PBX1: variants seen among roughly 807,000 people sequenced by gnomAD.
PBX1 encodes PBX homeobox 1.
In PBX1, 6 loss-of-function variants were observed where a neutral mutation model predicts 53.4. That is an observed-to-expected ratio of 0.11 (90% CI 0.06 to 0.22). PBX1 has a LOEUF of 0.22. PBX1 is among the 10% of genes least tolerant of loss of function. PBX1 has a pLI of 1.00. For synonymous variants in PBX1, 204 were observed against 212.3 expected (o/e 0.96, Z 0.34); for missense variants, 251 against 551.4 (o/e 0.46, Z 5.46).
At chr1:164,780,537 T>TA (rs1286592031) in intron 2 of PBX1, among the ~76,000 whole-genome samples, 2 of 151,966 alleles carry the variant, frequency 1.3e-5, no homozygotes, top group East Asian at 3.9e-4. Flanking sequence ...TAGACTCTGT[T>TA]GAGAAGAGAG....
At chr1:164,880,446 T>A (rs1470203585) in intron 2 of PBX1, among the ~76,000 whole-genome samples, 4 of 152,240 alleles carry the variant, frequency 2.6e-5, no homozygotes, top group Non-Finnish European at 4.4e-5. Flanking sequence ...ATCTGGTAGC[T>A]GAGACACCAA....
At chr1:164,633,611 C>T (rs1658555489) in intron 2 of PBX1, among the ~76,000 whole-genome samples, 1 of 152,154 alleles carries the variant, frequency 6.6e-6, no homozygotes, top group Non-Finnish European at 1.5e-5. Flanking sequence ...ATTACCTGAG[C>T]CTTTCCCTGC....
At chr1:164,745,655 A>AGC (rs1438526107) in intron 2 of PBX1, among the ~76,000 whole-genome samples, 1 of 152,248 alleles carries the variant, frequency 6.6e-6, no homozygotes, top group African/African-American at 2.4e-5. Context: ...CTAGTCAACC[A>AGC]GCTACAGGCT....
intron 2 of PBX1, among the ~76,000 whole-genome samples, chr1:164,865,044 A>T (rs1672184158): frequency 6.6e-6 from 1 of 152,238 alleles, no homozygotes; most frequent in South Asian, 2.1e-4. Flanking sequence ...GACAGTCACC[A>T]TGGTTATAAT....
intron 2 of PBX1, among the ~76,000 whole-genome samples, chr1:164,661,320 G>A (rs1258040120): frequency 6.6e-6 from 1 of 152,138 alleles, no homozygotes; most frequent in Non-Finnish European, 1.5e-5. Flanking sequence ...CATCTGGCAT[G>A]AGGGATAACA....
chr1:164,592,386 T>G (rs1655453133), intron 2 of PBX1, among the ~76,000 whole-genome samples: 1 of 152,196 alleles, frequency 6.6e-6, no homozygotes, highest in African/African-American at 2.4e-5. Context: ...TGCTGCAAAT[T>G]TGCCTAGTAG....
At chr1:164,761,114 CT>C (rs755109441) in intron 2 of PBX1, among the ~76,000 whole-genome samples, 168 of 152,310 alleles carry the variant, frequency 1.1e-3, no homozygotes, top group Middle Eastern at 3.4e-3. Context: ...AGTAAAACCA[CT>C]TCCCTCCTCC....
chr1:164,848,089 A>G lies in PBX1; in HGVS notation c.*1413A>G. 2.8e-6 allele frequency: 3 copies of G among 1,052,696 alleles called. No individual in the cohort carries two copies. Among genetic ancestry groups the G allele is most frequent in the Non-Finnish European group, 3.4e-6 (3 of 871,358 alleles). 65.2% of individuals were successfully genotyped at this position (1,052,696 alleles called of 1,614,324 possible). On this transcript the variant is annotated 3_prime_UTR_variant, in exon 9 of 9. Coordinates refer to ENST00000420696, the MANE Select transcript of PBX1 (RefSeq NM_002585.4). ...GTTGTATAAGAACGTGGCTCATGTG[A>G]ACTTTTGCTAGCTTCATTTGAGGAC...
intron 2 of PBX1, among the ~76,000 whole-genome samples, chr1:164,716,727 C>G (rs1301068367): frequency 8.1e-5 from 12 of 147,524 alleles, no homozygotes; most frequent in African/African-American, 3.0e-4. Flanking sequence ...CACACACACA[C>G]ACAGAAATAC....
At chr1:164,560,236 G>C (rs964632365) in intron 1 of PBX1, 38 of 441,342 alleles carry the variant, frequency 8.6e-5, no homozygotes, top group South Asian at 5.3e-4. Context: ...ACATATTTGT[G>C]TGTGTGTGTG....
chr1:164,802,246 G>A (rs967972699), intron 4 of PBX1, among the ~76,000 whole-genome samples: 1 of 152,122 alleles, frequency 6.6e-6, no homozygotes, highest in Admixed American at 6.5e-5. Context: ...GTTTATTATC[G>A]CACAGTTTCT....
intron 2 of PBX1, among the ~76,000 whole-genome samples, chr1:164,584,185 T>G (rs1654804675): frequency 6.6e-6 from 1 of 152,084 alleles, no homozygotes; most frequent in African/African-American, 2.4e-5. Context: ...CTTATATTTT[T>G]AGAGTGAATA....
chr1:164,562,227 G>A (rs1653105708), intron 1 of PBX1, among the ~76,000 whole-genome samples: 1 of 152,056 alleles, frequency 6.6e-6, no homozygotes. Context: ...ATGAGGATGT[G>A]TCTATTTTTT....
intron 2 of PBX1, among the ~76,000 whole-genome samples, chr1:164,702,562 A>G (rs989552383): frequency 2.6e-5 from 4 of 152,120 alleles, no homozygotes; most frequent in African/African-American, 7.2e-5. Context: ...ATAATCTAAG[A>G]ATCACCCTAC....
chr1:164,594,093 T>C (rs1557879985), intron 2 of PBX1, among the ~76,000 whole-genome samples: 2 of 152,220 alleles, frequency 1.3e-5, no homozygotes, highest in Non-Finnish European at 2.9e-5. Context: ...TTCATGTCAC[T>C]TTCCTATTTC....
chr1:164,622,791 C>G (rs568831947), intron 2 of PBX1, among the ~76,000 whole-genome samples: 2 of 150,836 alleles, frequency 1.3e-5, no homozygotes, highest in Non-Finnish European at 3.0e-5. Context: ...CTGACACATG[C>G]TTGCTATACA....
intron 2 of PBX1, among the ~76,000 whole-genome samples, chr1:164,725,094 C>T (rs1664628285): frequency 6.6e-6 from 1 of 152,070 alleles, no homozygotes; most frequent in Non-Finnish European, 1.5e-5. Flanking sequence ...AAGCAGGCAG[C>T]TTGAACCCCC....
intron 2 of PBX1, among the ~76,000 whole-genome samples, chr1:164,579,855 A>T (rs913019905): frequency 5.9e-5 from 9 of 152,184 alleles, no homozygotes; most frequent in Admixed American, 2.0e-4. Flanking sequence ...ATGCATATTT[A>T]AAAAATGTGT....
chr1:164,884,007 A>C (rs1672721317), intron 2 of PBX1, among the ~76,000 whole-genome samples: 1 of 152,192 alleles, frequency 6.6e-6, no homozygotes, highest in African/African-American at 2.4e-5. Flanking sequence ...GGGAAGGGGA[A>C]AACCATTGGT....
Sources: gnomAD v4.1 joint callset for allele counts (sites outside exome capture counted in the v4.1 genomes callset) on GRCh38, gnomAD v4.1.1 for gene constraint, MANE v1.5 for transcripts, NCBI Gene and HGNC (gene_info 2026-07-23, HGNC 2026-07-21) for gene names.